Variants in NCKAP5 observed in about 807,000 individuals in gnomAD.
NCKAP5 encodes the protein nck-associated protein 5.
Under a neutral mutation model 167.0 loss-of-function variants are expected in NCKAP5, and 92 were observed. The observed-to-expected ratio is 0.55, with a 90% CI of 0.47 to 0.66. The LOEUF (loss-of-function observed/expected upper bound fraction) is 0.66. Ranked by LOEUF, NCKAP5 falls within the 30% of genes least tolerant of loss-of-function variation. NCKAP5 has a pLI of 0.00. For synonymous variants in NCKAP5, 891 were observed against 877.4 expected, an observed-to-expected ratio of 1.02 and a Z score of -0.27; for missense variants, 2,378 against 2,315.0, an observed-to-expected ratio of 1.03 and a Z score of -0.56.
chr2:132,681,373 A>G (rs751581201), intron 19 of NCKAP5, among the ~76,000 whole-genome samples: 8 of 149,862 alleles, frequency 5.3e-5, no homozygotes, highest in Non-Finnish European at 8.9e-5. Context: ...TACCCTTTGC[A>G]TCGTTTTATG....
At chr2:132,689,228 C>T (rs1392317111) in intron 19 of NCKAP5, among the ~76,000 whole-genome samples, 1 of 152,002 alleles carries the variant, frequency 6.6e-6, no homozygotes, top group Non-Finnish European at 1.5e-5. Flanking sequence ...AGAACTGGCT[C>T]CAAGATAGGA....
rs58348377 is a variant in NCKAP5, at chr2:133,494,866, C to T, written c.69+22592G>A. On this transcript the variant is annotated intron_variant, in intron 3 of 19. Coordinates refer to ENST00000409261, the MANE Select transcript of NCKAP5 (RefSeq NM_207363.3). ...AAGTAGAGGAAAATCTACATTTTGTCGAGAATCCCCTTCCCTTTCCAGGTC... is the reference window on the plus strand; with the variant it reads ...AAGTAGAGGAAAATCTACATTTTGTTGAGAATCCCCTTCCCTTTCCAGGTC... Among the ~76,000 whole-genome samples the T allele has an allele frequency of 3.4e-3, 515 of 152,188 alleles. 1 individual carries two copies. Among genetic ancestry groups the T allele is most frequent in the East Asian group, 0.013 (67 of 5,178 alleles).
At position 132,784,105 on chromosome 2, in the gene NCKAP5, C is replaced by G. The variant is rs555499761; in HGVS notation, c.2706G>C (p.Glu902Asp). Residue 902 changes from glutamate (E) to aspartate (D), a missense_variant, in exon 14 of 20, where the codon GAG (glutamate) becomes GAC (aspartate). Glu to Asp is a conservative substitution (Grantham distance 45). Around this residue, in one of 3 missense-constraint regions of NCKAP5, gnomAD observed 1,325 missense variants for 1,274.5 expected, o/e 1.04. Coordinates refer to ENST00000409261, the MANE Select transcript of NCKAP5 (RefSeq NM_207363.3). ...TGGGGGGCTCTCCACTGTCACTAGA[C>G]TCAATGGCAGGCCTTGACCGTGACC... The part of the protein sequence containing the change: ...TPGSRSRPAI[E>D]SSDSGEPPTR... The G allele has an allele frequency of 1.8e-5, 28 of 1,521,856 alleles. No homozygotes were observed. Among genetic ancestry groups the G allele is most frequent in the Middle Eastern group, 1.8e-4 (1 of 5,644 alleles). 94.3% of individuals were successfully genotyped at this position (1,521,856 alleles called of 1,614,324 possible). A position where few individuals can be genotyped will look rare whatever the true frequency, so the allele number is the denominator to read the frequency against.
chr2:133,290,728 C>CTTTTTT (rs58758295), intron 4 of NCKAP5, among the ~76,000 whole-genome samples: 62 of 89,250 alleles, frequency 6.9e-4, no homozygotes, highest in Non-Finnish European at 8.6e-4. Flanking sequence ...AGAATTTCTC[C>CTTTTTT]TTTTTTTTTT....
At chr2:133,456,313 G>C (rs961971359) in intron 3 of NCKAP5, among the ~76,000 whole-genome samples, 2 of 152,154 alleles carry the variant, frequency 1.3e-5, no homozygotes, top group South Asian at 2.1e-4. Flanking sequence ...GATTGCCATC[G>C]TGTGGGCTTT....
At chr2:133,144,776 G>GCC (rs375176753) in intron 5 of NCKAP5, among the ~76,000 whole-genome samples, 94 of 152,236 alleles carry the variant, frequency 6.2e-4, no homozygotes, top group African/African-American at 2.1e-3. Flanking sequence ...TGAACCATTA[G>GCC]CCAGTGTGTC....
At chr2:133,374,447 C>A (rs768931212) in intron 3 of NCKAP5, among the ~76,000 whole-genome samples, 7 of 152,174 alleles carry the variant, frequency 4.6e-5, no homozygotes, top group Non-Finnish European at 1.0e-4. Flanking sequence ...ATAGAATGTA[C>A]ACTAAGAATG....
intron 11 of NCKAP5, among the ~76,000 whole-genome samples, chr2:132,811,253 A>G (rs1458272065): frequency 6.6e-6 from 1 of 152,078 alleles, no homozygotes; most frequent in Non-Finnish European, 1.5e-5. Context: ...GCCTCCTGCT[A>G]GGAGGTGGCG....
intron 3 of NCKAP5, among the ~76,000 whole-genome samples, chr2:133,394,851 T>G (rs1271134694): frequency 6.6e-6 from 1 of 152,186 alleles, no homozygotes; most frequent in Non-Finnish European, 1.5e-5. Flanking sequence ...AAATCATGCA[T>G]GAAAATGCAA....
chr2:132,928,850 G>C (rs1472324752), intron 8 of NCKAP5, among the ~76,000 whole-genome samples: 1 of 152,052 alleles, frequency 6.6e-6, no homozygotes, highest in Non-Finnish European at 1.5e-5. Context: ...CTCCTACGTG[G>C]TGGCTCATGC....
Position 133,018,346 on chromosome 2 carries a change from CA to C in NCKAP5, c.342-24108del, listed in dbSNP as rs2078416288. Among the ~76,000 whole-genome samples the C allele has an allele frequency of 3.3e-5, 5 of 152,338 alleles. No individual in the cohort carries two copies. In the South Asian group the frequency reaches 1.0e-3, roughly 32 times the overall value. ...AAGTTATGACCCACCAGAATACTGACATACTGTCTACTAAGGAGTTACCCTC... is the reference window on the plus strand; with the variant it reads ...AAGTTATGACCCACCAGAATACTGACTACTGTCTACTAAGGAGTTACCCTC... On this transcript the variant is annotated intron_variant, in intron 6 of 19. Coordinates refer to ENST00000409261, the MANE Select transcript of NCKAP5 (RefSeq NM_207363.3).
At chr2:133,029,027 T>C (rs773033402) in intron 6 of NCKAP5, among the ~76,000 whole-genome samples, 9 of 152,212 alleles carry the variant, frequency 5.9e-5, no homozygotes, top group Non-Finnish European at 1.3e-4. Flanking sequence ...GATGCCACTA[T>C]GCTTCCTATA....
chr2:132,819,644 C>CT (rs1436933639), intron 11 of NCKAP5, among the ~76,000 whole-genome samples: 2 of 151,546 alleles, frequency 1.3e-5, no homozygotes, highest in Admixed American at 1.3e-4. Context: ...CACAGTGCTT[C>CT]TGAAGAGGCT....
intron 4 of NCKAP5, among the ~76,000 whole-genome samples, chr2:133,294,665 AT>A (rs1047245679): frequency 8.5e-4 from 130 of 152,320 alleles, no homozygotes; most frequent in African/African-American, 3.0e-3. Context: ...ATGAATGAGC[AT>A]TTTGAGCATG....
At chr2:132,777,775 T>C (rs1682675640) in intron 15 of NCKAP5, among the ~76,000 whole-genome samples, 1 of 152,216 alleles carries the variant, frequency 6.6e-6, no homozygotes, top group Non-Finnish European at 1.5e-5. Context: ...GTAATTATTG[T>C]ACTATTTTCT....
chr2:132,740,900 A>T (rs1254787248), intron 16 of NCKAP5, among the ~76,000 whole-genome samples: 1 of 152,130 alleles, frequency 6.6e-6, no homozygotes, highest in Non-Finnish European at 1.5e-5. Flanking sequence ...GTACAAATGA[A>T]GAAGTTATTT....
At chr2:132,844,724 A>G (rs748107676) in intron 11 of NCKAP5, among the ~76,000 whole-genome samples, 1 of 152,112 alleles carries the variant, frequency 6.6e-6, no homozygotes, top group Non-Finnish European at 1.5e-5. Flanking sequence ...TTAATTTGCT[A>G]CTTGAAAACA....
chr2:132,830,892 C>G (rs1687475190), intron 11 of NCKAP5, among the ~76,000 whole-genome samples: 1 of 152,254 alleles, frequency 6.6e-6, no homozygotes, highest in South Asian at 2.1e-4. Flanking sequence ...GTCTTTTTTA[C>G]AATGCTTCCC....
chr2:133,395,688 C>CTGGAGAGAATGGCACACCA (rs1687688895), intron 3 of NCKAP5, among the ~76,000 whole-genome samples: 1 of 152,130 alleles, frequency 6.6e-6, no homozygotes, highest in South Asian at 2.1e-4. Flanking sequence ...CTCCGTTGCC[C>CTGGAGAGAATGGCACACCA]AGGCTGGAGT....
Sources: allele counts gnomAD v4.1 joint callset (sites outside exome capture counted in the v4.1 genomes callset), GRCh38; gene constraint gnomAD v4.1.1; regional missense constraint gnomAD v4.1.1; transcripts MANE v1.5; gene names NCBI Gene and HGNC (gene_info 2026-07-23, HGNC 2026-07-21).